SPP2: variants seen among roughly 807,000 people sequenced by gnomAD.
The protein encoded by SPP2 is secreted phosphoprotein 24.
Under a neutral mutation model 28.8 loss-of-function variants are expected in SPP2, and 34 were observed. The observed-to-expected ratio is 1.18, with a 90% confidence interval of 0.90 to 1.57. The LOEUF is 1.57. Ranked by LOEUF, SPP2 falls within the 40% of genes most tolerant of loss-of-function variation. The probability of loss-of-function intolerance (pLI) is 0.00; values close to 1 mark genes in which losing one functional copy is unlikely to be tolerated. For missense variants in SPP2, 269 were observed against 263.9 expected (o/e 1.02, Z -0.13); for synonymous variants, 96 against 89.4 (o/e 1.07, Z -0.42).
chr2:234,065,931 G>C (rs948966234), intron 4 of SPP2, among the ~76,000 whole-genome samples: 1 of 152,168 alleles, frequency 6.6e-6, no homozygotes, highest in African/African-American at 2.4e-5. Flanking sequence ...GGTAGTATCA[G>C]CACTATCTGT....
rs1693839450 is a variant in SPP2, at chr2:234,067,213, C to T, written c.500-11C>T. ...GAGGAGTCTTGTCTTATGATTATTA[C>T]TGTGTTACAGGTCTCATTTCAGACG... On this transcript the variant is annotated splice_polypyrimidine_tract_variant and intron_variant, in intron 5 of 7. Transcript: ENST00000168148. 2 of 1,612,546 alleles carry T rather than the reference C, an allele frequency of 1.2e-6. No homozygotes were observed. Among genetic ancestry groups the T allele is most frequent in the Non-Finnish European group, 1.7e-6 (2 of 1,178,644 alleles).
intron 2 of SPP2, among the ~76,000 whole-genome samples, chr2:234,052,285 G>A (rs1033533094): frequency 1.3e-4 from 20 of 152,102 alleles, no homozygotes; most frequent in African/African-American, 4.8e-4. Context: ...TTCCTTGCTT[G>A]TATTGTATTT....
At chr2:234,059,104 G>A (rs1301096402) in intron 3 of SPP2, 146 bp downstream of exon 3, 1 of 984,032 alleles carries the variant, frequency 1.0e-6, no homozygotes, top group African/African-American at 1.6e-5. Context: ...CCCCTGGTGG[G>A]GGAAGTGTTA....
chr2:234,057,508 C>T (rs1460495664), intron 2 of SPP2, among the ~76,000 whole-genome samples: 1 of 152,192 alleles, frequency 6.6e-6, no homozygotes, highest in Non-Finnish European at 1.5e-5. Context: ...CCCCCATTGC[C>T]ATGTTGTTGT....
At chr2:234,064,169 C>T (rs1029642311) in intron 4 of SPP2, among the ~76,000 whole-genome samples, 3 of 148,600 alleles carry the variant, frequency 2.0e-5, no homozygotes, top group African/African-American at 7.4e-5. Context: ...CTCTCTCTCT[C>T]TTCCTCCCTT....
intron 7 of SPP2, among the ~76,000 whole-genome samples, chr2:234,076,281 C>T (rs962207710): frequency 3.3e-5 from 5 of 152,090 alleles, no homozygotes; most frequent in Admixed American, 1.3e-4. Flanking sequence ...CTCCCGGGGT[C>T]CCAGTCTGGG....
At chr2:234,060,554 T>G in intron 4 of SPP2, 75 bp downstream of exon 4, 1 of 1,211,002 alleles carries the variant, frequency 8.3e-7, no homozygotes, top group South Asian at 1.3e-5. Flanking sequence ...ACAGAGTGGT[T>G]TGCTGGGTAG....
intron 4 of SPP2, among the ~76,000 whole-genome samples, chr2:234,062,582 G>C (rs1272725432): frequency 2.0e-5 from 3 of 152,084 alleles, no homozygotes; most frequent in Non-Finnish European, 4.4e-5. Context: ...TGGGAGCAGA[G>C]GAGGGTAACA....
At chr2:234,060,255 A>G in intron 3 of SPP2, 114 bp from the exon 4 acceptor site, 2 of 712,902 alleles carry the variant, frequency 2.8e-6, no homozygotes, top group East Asian at 2.7e-5. Flanking sequence ...GCCTCTGTGA[A>G]GTTTTTCTTT....
chr2:234,068,817 C>A (rs1008122294), intron 6 of SPP2, among the ~76,000 whole-genome samples: 6 of 150,834 alleles, frequency 4.0e-5, no homozygotes, highest in African/African-American at 1.5e-4. Context: ...GATTAATAAT[C>A]AACTTGGGTG....
chr2:234,062,559 AGT>A (rs140719685), intron 4 of SPP2, among the ~76,000 whole-genome samples: 1 of 152,016 alleles, frequency 6.6e-6, no homozygotes, highest in African/African-American at 2.4e-5. Flanking sequence ...AAGAGTTTTA[AGT>A]GTGTGTGTGT....
rs3078239 is a variant in SPP2, at chr2:234,075,000, C to CA, written c.*11-1824dup. On this transcript the variant is annotated intron_variant, in intron 7 of 7. Coordinates refer to ENST00000168148, the MANE Select transcript of SPP2 (RefSeq NM_006944.3). ...GTCATCAACAAAAAGCACAAAAATGCAAAAAAAAAAAAAAAAAAAAATGGG... is the reference window on the plus strand; with the variant it reads ...GTCATCAACAAAAAGCACAAAAATGCAAAAAAAAAAAAAAAAAAAAAATGGG... Among the ~76,000 whole-genome samples, 418 of 116,922 alleles carry CA rather than the reference C, an allele frequency of 3.6e-3. 2 individuals are homozygous for CA. The highest frequency in any genetic ancestry group is 4.6e-3 in the Non-Finnish European group (269 of 58,132). 76.7% of individuals were successfully genotyped at this position (116,922 alleles called of 152,430 possible).
intron 2 of SPP2, chr2:234,056,090 T>G (rs1693601833): frequency 6.6e-6 from 1 of 152,142 alleles, no homozygotes; most frequent in African/African-American, 2.4e-5. Context: ...ACTAAAGAGC[T>G]TCTGCACGGC....
At chr2:234,060,510 C>T (rs17869099) in intron 4 of SPP2, 31 bp downstream of exon 4, 117,584 of 1,555,276 alleles carry the variant, frequency 0.076, 6,981 homozygotes, top group African/African-American at 0.31. Context: ...CCTCCCAGAC[C>T]GCACCTCTTA....
chr2:234,053,702 G>A (rs1693546252), intron 2 of SPP2, among the ~76,000 whole-genome samples: 1 of 152,068 alleles, frequency 6.6e-6, no homozygotes, highest in Admixed American at 6.6e-5. Flanking sequence ...GGAGGAGAAA[G>A]GAAAAATCCA....
chr2:234,066,658 G>A, intron 5 of SPP2, 71 bp downstream of exon 5: 1 of 1,146,366 alleles, frequency 8.7e-7, no homozygotes. Context: ...TTGTTAGTGA[G>A]TCATTTAAAA....
chr2:234,071,043 C>T (rs748181582), intron 7 of SPP2, among the ~76,000 whole-genome samples: 48 of 152,216 alleles, frequency 3.2e-4, no homozygotes, highest in Non-Finnish European at 5.4e-4. Context: ...TACCATCCAC[C>T]TAATTTGCTC....
At chr2:234,064,757 G>A (rs748364547) in intron 4 of SPP2, among the ~76,000 whole-genome samples, 1 of 152,160 alleles carries the variant, frequency 6.6e-6, no homozygotes, top group African/African-American at 2.4e-5. Flanking sequence ...TCTACTTTGT[G>A]TGTCTATGGA....
In SPP2 at chr2:234,060,486, C is replaced by A. The variant is rs746108865; in HGVS notation, c.444+7C>A. 4 of 1,609,730 alleles carry A rather than the reference C, an allele frequency of 2.5e-6. No homozygotes were observed. Among genetic ancestry groups the A allele is most frequent in the Non-Finnish European group, 3.4e-6 (4 of 1,176,750 alleles). On this transcript the variant is annotated splice_region_variant and intron_variant, in intron 4 of 7. Coordinates refer to ENST00000168148, the MANE Select transcript of SPP2 (RefSeq NM_006944.3). ...GTCTTACAGCAGCGAAGAGGTATGACTGGGGCCTTGTCTCCTCCCAGACCG... is the reference window on the plus strand; with the variant it reads ...GTCTTACAGCAGCGAAGAGGTATGAATGGGGCCTTGTCTCCTCCCAGACCG...
Sources: allele counts gnomAD v4.1 joint callset (sites outside exome capture counted in the v4.1 genomes callset), GRCh38; gene constraint gnomAD v4.1.1; transcripts MANE v1.5; gene names NCBI Gene and HGNC (gene_info 2026-07-23, HGNC 2026-07-21).